The following SCN1A variants were observed in gnomAD, a reference collection of about 807,000 sequenced individuals.
SCN1A encodes the protein sodium voltage-gated channel alpha subunit 1.
In SCN1A, 13 loss-of-function variants were observed where a neutral mutation model predicts 193.7. The observed-to-expected ratio is 0.07, with a 90% CI of 0.04 to 0.11. The LOEUF (loss-of-function observed/expected upper bound fraction) is 0.11, where lower values mean the gene tolerates loss of function less well. Among genes scored for constraint, SCN1A ranks in the 10% least tolerant of loss-of-function variants. The pLI is 1.00. For synonymous variants in SCN1A, 781 were observed against 843.6 expected (o/e 0.93, Z 1.29); for missense variants, 1,432 against 2,451.1 (o/e 0.58, Z 8.78).
intron 12 of SCN1A, 116 bp downstream of exon 12, chr2:166,046,654 G>T: frequency 4.2e-6 from 4 of 946,914 alleles, no homozygotes; most frequent in Non-Finnish European, 4.9e-6. Flanking sequence ...TCAAAATATA[G>T]AAATCATTAT....
intron 2 of SCN1A, among the ~76,000 whole-genome samples, chr2:166,112,241 A>C (rs551848878): frequency 2.6e-5 from 4 of 152,252 alleles, no homozygotes; most frequent in African/African-American, 9.6e-5. Context: ...AGTCATCTCA[A>C]CCTTCAGCAA....
chr2:166,115,838 G>T (rs778797705), intron 2 of SCN1A, among the ~76,000 whole-genome samples: 2 of 152,168 alleles, frequency 1.3e-5, no homozygotes, highest in Admixed American at 1.3e-4. Context: ...GTACAGTATA[G>T]CAGAGGAAGA....
chr2:165,992,360 G>A lies in SCN1A; in HGVS notation c.4915C>T (p.Arg1639Cys). The change falls in exon 29 of 29, where the codon CGT becomes TGT. Residue 1639 changes from arginine to cysteine, a missense_variant. Physicochemically the swap from Arg to Cys is radical, Grantham distance 180. Coordinates refer to ENST00000674923, the MANE Select transcript of SCN1A (RefSeq NM_001165963.4). The surrounding 1 kb of genome is among the most constrained non-coding windows in gnomAD (Gnocchi z 6.5). Reference protein sequence around the residue: ...FVSPTLFRVIRLARIGRILRL... With the variant: ...FVSPTLFRVICLARIGRILRL... Reference sequence around the variant, plus strand: ...AGGATTCGGCCAATCCTAGCAAGACGGATCACTCGGAACAGGGTAGGGGAC... The same window carrying A: ...AGGATTCGGCCAATCCTAGCAAGACAGATCACTCGGAACAGGGTAGGGGAC... The A allele has an allele frequency of 6.2e-7, 1 of 1,613,640 alleles. No individual in the cohort carries two copies. Among genetic ancestry groups the A allele is most frequent in the Non-Finnish European group, 8.5e-7 (1 of 1,179,798 alleles).
At chr2:166,039,748 T>C in intron 16 of SCN1A, 152 bp from the exon 17 acceptor site, 1 of 686,228 alleles carries the variant, frequency 1.5e-6, no homozygotes, top group Non-Finnish European at 2.5e-6. Flanking sequence ...ATGAAAGACT[T>C]TCATATACAT....
chr2:166,072,837 CT>C (rs796420549), intron 4 of SCN1A, among the ~76,000 whole-genome samples: 130 of 119,434 alleles, frequency 1.1e-3, no homozygotes, highest in East Asian at 6.5e-3. Context: ...TCTCTTCTTT[CT>C]TTTTTTTTTT....
chr2:166,121,702 C>G (rs1690615904), intron 2 of SCN1A, among the ~76,000 whole-genome samples: 1 of 152,078 alleles, frequency 6.6e-6, no homozygotes, highest in African/African-American at 2.4e-5. Context: ...ACAGTTTCAT[C>G]AACAACAAAA....
At chr2:166,009,145 T>C (rs2105563880) in intron 23 of SCN1A, among the ~76,000 whole-genome samples, 1 of 151,294 alleles carries the variant, frequency 6.6e-6, no homozygotes, top group African/African-American at 2.4e-5. Context: ...TGGATTTGTA[T>C]GTAATCTTTA....
At chr2:165,993,845 G>T in intron 28 of SCN1A, 2 of 451,712 alleles carry the variant, frequency 4.4e-6, no homozygotes, top group Admixed American at 3.8e-5. Context: ...ATACTATATT[G>T]GTTCTTCAAT....
chr2:166,060,512 C>A, intron 4 of SCN1A: 1 of 152,184 alleles, frequency 6.6e-6, no homozygotes, highest in Non-Finnish European at 1.5e-5. Flanking sequence ...AAATGTACTG[C>A]ATATACTTCC....
At chr2:166,092,931 G>A (rs372564905) in intron 2 of SCN1A, among the ~76,000 whole-genome samples, 58 of 152,084 alleles carry the variant, frequency 3.8e-4, no homozygotes, top group African/African-American at 1.4e-3. Context: ...AACCCATACT[G>A]AAAGTATAAA....
intron 25 of SCN1A, among the ~76,000 whole-genome samples, 176 bp from the exon 26 acceptor site, chr2:165,998,351 T>C (rs1417692454): frequency 6.6e-6 from 1 of 150,960 alleles, no homozygotes; most frequent in Non-Finnish European, 1.5e-5. Context: ...AGGGATGTTT[T>C]CATGTGAAAA....
upstream of SCN1A, among the ~76,000 whole-genome samples, chr2:166,131,798 C>A (rs1324015779): frequency 1.3e-5 from 2 of 152,160 alleles, no homozygotes; most frequent in Non-Finnish European, 2.9e-5. Flanking sequence ...CTTTAACCAG[C>A]TGCCTTATGA....
At chr2:166,030,010 C>T (rs929522216) in intron 19 of SCN1A, among the ~76,000 whole-genome samples, 1 of 152,168 alleles carries the variant, frequency 6.6e-6, no homozygotes, top group African/African-American at 2.4e-5. Context: ...ACACTCCAGA[C>T]TATGCTGTTA....
chr2:166,102,630 G>T (rs1688232731), intron 2 of SCN1A, among the ~76,000 whole-genome samples: 1 of 151,968 alleles, frequency 6.6e-6, no homozygotes, highest in Non-Finnish European at 1.5e-5. Flanking sequence ...ACTGTGGAAG[G>T]CAGTTTGAAG....
At chr2:166,007,788 T>C (rs1230063688) in intron 23 of SCN1A, among the ~76,000 whole-genome samples, 1 of 151,416 alleles carries the variant, frequency 6.6e-6, no homozygotes, top group Non-Finnish European at 1.5e-5. Context: ...GCTATTGTGA[T>C]TTTATGCTGC....
At chr2:166,014,877 CCATT>C (rs1402151529) in intron 20 of SCN1A, among the ~76,000 whole-genome samples, 1 of 151,630 alleles carries the variant, frequency 6.6e-6, no homozygotes, top group Non-Finnish European at 1.5e-5. Context: ...CTTCTTACAG[CCATT>C]CAGAGGAACA....
At chr2:166,034,690 G>A (rs1477253989) in intron 19 of SCN1A, among the ~76,000 whole-genome samples, 1 of 152,178 alleles carries the variant, frequency 6.6e-6, no homozygotes, top group Non-Finnish European at 1.5e-5. Context: ...ATATGCTGAA[G>A]CTCTAACCTT....
At chr2:165,995,000 A>G (rs2105454109) in intron 27 of SCN1A, among the ~76,000 whole-genome samples, 1 of 152,056 alleles carries the variant, frequency 6.6e-6, no homozygotes, top group African/African-American at 2.4e-5. Flanking sequence ...AAACTGCACA[A>G]GGATAATGAG....
chr2:166,100,494 A>G (rs1227728037), intron 2 of SCN1A, among the ~76,000 whole-genome samples: 2 of 151,862 alleles, frequency 1.3e-5, no homozygotes, highest in Non-Finnish European at 2.9e-5. Context: ...AATGGCAACA[A>G]AAGACAAAAT....
Sources: allele counts gnomAD v4.1 joint callset (sites outside exome capture counted in the v4.1 genomes callset), GRCh38; gene constraint gnomAD v4.1.1; non-coding constraint Gnocchi (gnomAD v3.1); transcripts MANE v1.5; gene names NCBI Gene and HGNC (gene_info 2026-07-23, HGNC 2026-07-21).